AOPEP: variants seen among roughly 807,000 people sequenced by gnomAD.
AOPEP encodes the protein aminopeptidase O (putative).
In AOPEP, 77 loss-of-function variants were observed where a neutral mutation model predicts 98.1. The ratio of observed to expected loss-of-function variants is 0.78; its 90% CI spans 0.65 to 0.95. AOPEP has a LOEUF of 0.95. AOPEP is among the 40% of genes least tolerant of loss of function. The pLI is 0.00. For synonymous variants in AOPEP, 346 were observed against 365.3 expected, an observed-to-expected ratio of 0.95 and a Z score of 0.60; for missense variants, 1,024 against 1,024.7, an observed-to-expected ratio of 1.00 and a Z score of 0.01.
chr9:95,100,499 A>T, the AOPEP span: 1 of 232,152 alleles, frequency 4.3e-6, no homozygotes, highest in African/African-American at 2.2e-5. Context: ...AAAATGGACA[A>T]AAGCAAGTCT....
intron 3 of AOPEP, among the ~76,000 whole-genome samples, chr9:94,778,921 C>G (rs1469907115): frequency 6.6e-6 from 1 of 151,808 alleles, no homozygotes; most frequent in East Asian, 1.9e-4. Context: ...CCCATTTACT[C>G]AGGAGGCTGA....
At chr9:95,148,106 C>G in the AOPEP span, among the ~76,000 whole-genome samples, 1 of 151,966 alleles carries the variant, frequency 6.6e-6, no homozygotes, top group Non-Finnish European at 1.5e-5. Flanking sequence ...TCTTCACCAC[C>G]ACACACACAC....
intron 7 of AOPEP, among the ~76,000 whole-genome samples, chr9:94,942,197 G>T (rs1368256028): frequency 2.0e-5 from 3 of 152,188 alleles, no homozygotes; most frequent in African/African-American, 4.8e-5. Flanking sequence ...TCAGCCAGTA[G>T]GAAGAATCAC....
chr9:95,045,025 G>A (rs2065712791), intron 13 of AOPEP, among the ~76,000 whole-genome samples: 1 of 152,102 alleles, frequency 6.6e-6, no homozygotes, highest in African/African-American at 2.4e-5. Context: ...TCAGAAACAG[G>A]GGTCTTTAGC....
intron 11 of AOPEP, among the ~76,000 whole-genome samples, chr9:94,988,537 A>G (rs1028342611): frequency 2.0e-4 from 30 of 152,252 alleles, no homozygotes; most frequent in African/African-American, 5.5e-4. Context: ...TTTGCTAGGT[A>G]TATGAAGGAT....
chr9:95,040,576 A>G (rs1393701866), intron 13 of AOPEP, among the ~76,000 whole-genome samples: 1 of 152,116 alleles, frequency 6.6e-6, no homozygotes, highest in Non-Finnish European at 1.5e-5. Context: ...AGTTGTCTCC[A>G]TCTCTGCGAT....
At chr9:94,764,244 A>G (rs12341764) in intron 2 of AOPEP, among the ~76,000 whole-genome samples, 13,491 of 152,278 alleles carry the variant, frequency 0.089, 716 homozygotes, top group African/African-American at 0.13. Context: ...GTCAAGGGAC[A>G]TTAAACACAA....
At chr9:94,987,965 G>A (rs1172995753) in intron 11 of AOPEP, among the ~76,000 whole-genome samples, 3 of 152,138 alleles carry the variant, frequency 2.0e-5, no homozygotes, top group Non-Finnish European at 4.4e-5. Context: ...TGGGTCAGCA[G>A]CCTTGCCTGG....
intron 13 of AOPEP, among the ~76,000 whole-genome samples, chr9:95,015,703 TG>T (rs2062921501): frequency 6.6e-6 from 1 of 152,204 alleles, no homozygotes; most frequent in African/African-American, 2.4e-5. Context: ...GTCATCACTT[TG>T]GGTATTTTCA....
chr9:94,994,677 C>G (rs1564496017), intron 11 of AOPEP, among the ~76,000 whole-genome samples: 1 of 152,176 alleles, frequency 6.6e-6, no homozygotes, highest in African/African-American at 2.4e-5. Context: ...TCAGGCTGGG[C>G]ATGGTGGCTC....
rs567418342 is a variant in AOPEP, at chr9:94,767,575, C to T, written c.798-5427C>T. ...TAGTCATCTTAGGTCTCTTCATTTC[C>T]TCATCTGTAAAACGAGAAGATTCCA... is the stretch of plus-strand genomic sequence containing the variant. On this transcript the variant is annotated intron_variant, in intron 2 of 16. Transcript: ENST00000375315. Among the ~76,000 whole-genome samples, 10 of 152,298 alleles carry T rather than the reference C, an allele frequency of 6.6e-5. No homozygotes were observed. In the East Asian group the frequency reaches 1.5e-3, roughly 23 times the overall value.
chr9:94,797,846 G>A (rs1457523963), intron 4 of AOPEP, among the ~76,000 whole-genome samples: 1 of 151,962 alleles, frequency 6.6e-6, no homozygotes, highest in African/African-American at 2.4e-5. Context: ...GGGATTACAG[G>A]CATGCACCAC....
intron 13 of AOPEP, among the ~76,000 whole-genome samples, chr9:95,012,923 T>G (rs2132950325): frequency 6.7e-6 from 1 of 150,306 alleles, no homozygotes; most frequent in Middle Eastern, 3.4e-3. Flanking sequence ...TTATTTTGTT[T>G]TTTTTTTTTA....
At chr9:94,762,955 C>T (rs1439381948) in intron 2 of AOPEP, among the ~76,000 whole-genome samples, 5 of 152,122 alleles carry the variant, frequency 3.3e-5, no homozygotes, top group African/African-American at 9.7e-5. Context: ...TTTACAGTTG[C>T]GTGAAAAACA....
intron 5 of AOPEP, among the ~76,000 whole-genome samples, chr9:94,830,151 A>ATACCCATCACCTAGGCTTAATAC (rs1855624778): frequency 1.3e-5 from 2 of 152,312 alleles, no homozygotes; most frequent in South Asian, 4.2e-4. Flanking sequence ...CTAGGTATTA[A>ATACCCATCACCTAGGCTTAATAC]GCCCAGCATG....
intron 16 of AOPEP, chr9:95,085,615 G>A (rs1050307055): frequency 5.0e-6 from 2 of 400,244 alleles, no homozygotes. Context: ...TGCACAGTCA[G>A]CTTGGGTGCG....
At chr9:94,871,392 G>A (rs113729626) in intron 5 of AOPEP, among the ~76,000 whole-genome samples, 49 of 152,274 alleles carry the variant, frequency 3.2e-4, no homozygotes, top group Middle Eastern at 3.4e-3. Flanking sequence ...ACCACCCTGC[G>A]TAATGGTGGC....
intron 8 of AOPEP, 128 bp downstream of exon 8, chr9:94,955,407 A>G (rs1430767831): frequency 3.2e-6 from 2 of 620,896 alleles, no homozygotes; most frequent in Non-Finnish European, 5.6e-6. Flanking sequence ...CTGGCCAGAT[A>G]TCTGAGCGTT....
chr9:95,149,866 C>G, the AOPEP span: 16 of 1,541,908 alleles, frequency 1.0e-5, no homozygotes, highest in African/African-American at 2.0e-4. Flanking sequence ...CAACACACCA[C>G]AGCCTTCTAA....
Sources: gnomAD v4.1 joint callset for allele counts (sites outside exome capture counted in the v4.1 genomes callset) on GRCh38, gnomAD v4.1.1 for gene constraint, MANE v1.5 for transcripts, NCBI Gene and HGNC (gene_info 2026-07-23, HGNC 2026-07-21) for gene names.